The following KATNIP variants were observed in gnomAD, a reference collection of about 807,000 sequenced individuals.
KATNIP encodes katanin interacting protein, also known as katanin-interacting protein.
A neutral mutation model predicts 174.0 loss-of-function variants in KATNIP; 126 were observed. The observed-to-expected ratio is 0.72, with a 90% CI of 0.63 to 0.84. The LOEUF (loss-of-function observed/expected upper bound fraction) is 0.84. KATNIP is among the 40% of genes least tolerant of loss of function. KATNIP has a pLI of 0.00. For missense variants in KATNIP, 1,958 were observed against 2,109.7 expected (o/e 0.93, Z 1.41); for synonymous variants, 810 against 835.7 (o/e 0.97, Z 0.53).
At chr16:27,655,177 G>GATATATATAT (rs869205308) in intron 6 of KATNIP, among the ~76,000 whole-genome samples, 9 of 38,546 alleles carry the variant, frequency 2.3e-4, no homozygotes, top group Non-Finnish European at 4.1e-4. Flanking sequence ...CCCTAGAATG[G>GATATATATAT]ATATATATAT....
At chr16:27,713,356 G>A (rs946752647) in intron 13 of KATNIP, among the ~76,000 whole-genome samples, 2 of 152,074 alleles carry the variant, frequency 1.3e-5, no homozygotes, top group South Asian at 2.1e-4. Flanking sequence ...GGATTGATAC[G>A]GTTTGACTGT....
intron 2 of KATNIP, among the ~76,000 whole-genome samples, chr16:27,575,353 A>C (rs970342913): frequency 1.3e-5 from 2 of 152,208 alleles, no homozygotes; most frequent in African/African-American, 4.8e-5. Context: ...AGTGGTAGCA[A>C]GGAGCCATAG....
chr16:27,728,101 G>A (rs1053710263), intron 14 of KATNIP, among the ~76,000 whole-genome samples: 5 of 152,384 alleles, frequency 3.3e-5, no homozygotes, highest in Middle Eastern at 6.8e-3. Flanking sequence ...GAGTCAGTGC[G>A]GCCTGATGGC....
chr16:27,661,706 G>A (rs1322785810), intron 6 of KATNIP, among the ~76,000 whole-genome samples: 1 of 149,120 alleles, frequency 6.7e-6, no homozygotes, highest in African/African-American at 2.5e-5. Flanking sequence ...GTTTCTTTAT[G>A]TTTGATTTCC....
chr16:27,702,901 T>C (rs912580561), intron 11 of KATNIP, among the ~76,000 whole-genome samples: 2 of 152,196 alleles, frequency 1.3e-5, no homozygotes, highest in African/African-American at 4.8e-5. Context: ...GTGCAGTGGC[T>C]CATGCCTGTA....
chr16:27,601,927 G>T (rs552022754), intron 2 of KATNIP, among the ~76,000 whole-genome samples: 14 of 152,308 alleles, frequency 9.2e-5, no homozygotes, highest in Middle Eastern at 3.4e-3. Context: ...AGAAGGAAAA[G>T]TTCTTGGATG....
At chr16:27,660,831 T>G (rs1162500872) in intron 6 of KATNIP, among the ~76,000 whole-genome samples, 3 of 152,014 alleles carry the variant, frequency 2.0e-5, no homozygotes, top group Non-Finnish European at 4.4e-5. Flanking sequence ...AGTTCAGTAT[T>G]TAGGGCCTCA....
At chr16:27,618,212 T>C (rs755309804) in intron 2 of KATNIP, among the ~76,000 whole-genome samples, 2 of 152,136 alleles carry the variant, frequency 1.3e-5, no homozygotes, top group African/African-American at 2.4e-5. Context: ...CTCCTTTTCA[T>C]AGATGATTAA....
chr16:27,640,658 G>C (rs2076763690), intron 5 of KATNIP, among the ~76,000 whole-genome samples: 1 of 150,536 alleles, frequency 6.6e-6, no homozygotes. Context: ...CCTCCTTGAG[G>C]GCAGGGCATT....
intron 3 of KATNIP, among the ~76,000 whole-genome samples, chr16:27,627,492 A>G (rs2076368336): frequency 6.6e-6 from 1 of 152,212 alleles, no homozygotes. Flanking sequence ...ACACACATAC[A>G]CAAGGTTCTG....
rs372811088 is a variant in KATNIP, at chr16:27,660,813, C to G, written c.540+12078C>G. On this transcript the variant is annotated intron_variant, in intron 6 of 27. Transcript: ENST00000261588. ...ACCGCATCCAGCTATTGCTCTAGGT[C>G]TTTTGCAAGTTCAGTATTTAGGGCC... is the stretch of plus-strand genomic sequence containing the variant. 2.6e-5 allele frequency among the ~76,000 whole-genome samples: 4 copies of G among 152,102 alleles called. No individual in the cohort carries two copies. In the East Asian group the frequency reaches 5.8e-4, roughly 22 times the overall value.
intron 21 of KATNIP, 128 bp from the exon 22 acceptor site, chr16:27,771,456 CTCTT>C (rs2082299218): frequency 1.3e-6 from 1 of 768,058 alleles, no homozygotes; most frequent in South Asian, 2.0e-5. Flanking sequence ...GGCCTCATCT[CTCTT>C]TTCCCTGCTG....
At chr16:27,694,274 A>G (rs1210740694) in intron 8 of KATNIP, among the ~76,000 whole-genome samples, 2 of 152,132 alleles carry the variant, frequency 1.3e-5, no homozygotes, top group Non-Finnish European at 2.9e-5. Flanking sequence ...GGGGCGTAGC[A>G]AGAGAGTCAA....
intron 1 of KATNIP, among the ~76,000 whole-genome samples, chr16:27,554,789 C>T (rs1596692769): frequency 2.6e-5 from 2 of 77,806 alleles, no homozygotes; most frequent in Non-Finnish European, 2.4e-5. Context: ...TTGATTTACA[C>T]TTTTTTTTTT....
At chr16:27,763,100 G>A (rs1567416711) in intron 19 of KATNIP, among the ~76,000 whole-genome samples, 2 of 152,000 alleles carry the variant, frequency 1.3e-5, no homozygotes, top group South Asian at 4.2e-4. Flanking sequence ...AGGATCACTT[G>A]AGCCCAGGAA....
intron 5 of KATNIP, chr16:27,643,154 C>T (rs562796869): frequency 3.2e-4 from 48 of 152,302 alleles, no homozygotes; most frequent in African/African-American, 1.1e-3. Flanking sequence ...GTCTAAAATC[C>T]TTCTGGCCCT....
chr16:27,732,590 A>G (rs564935046), intron 14 of KATNIP, among the ~76,000 whole-genome samples: 1 of 152,268 alleles, frequency 6.6e-6, no homozygotes, highest in East Asian at 1.9e-4. Context: ...AGAAGACTCA[A>G]GTCAACCAGA....
intron 19 of KATNIP, among the ~76,000 whole-genome samples, chr16:27,765,542 C>G (rs976141269): frequency 6.6e-6 from 1 of 152,234 alleles, no homozygotes; most frequent in Non-Finnish European, 1.5e-5. Flanking sequence ...CCTCCTTCTA[C>G]TTGTTCCAAG....
At chr16:27,699,706 G>A in intron 10 of KATNIP, 107 bp downstream of exon 10, 1 of 1,483,202 alleles carries the variant, frequency 6.7e-7, no homozygotes, top group Non-Finnish European at 9.2e-7. Flanking sequence ...CATAGCACCT[G>A]ATGGCCTCCA....
Sources: gnomAD v4.1 joint callset for allele counts (sites outside exome capture counted in the v4.1 genomes callset) on GRCh38, gnomAD v4.1.1 for gene constraint, MANE v1.5 for transcripts, NCBI Gene and HGNC (gene_info 2026-07-23, HGNC 2026-07-21) for gene names.